GLYAT: variants seen among roughly 807,000 people sequenced by gnomAD.
GLYAT encodes the protein glycine-N-acyltransferase, also known as glycine N-acyltransferase.
A neutral mutation model predicts 22.8 loss-of-function variants in GLYAT; 25 were observed. The ratio of observed to expected loss-of-function variants is 1.09; its 90% CI spans 0.80 to 1.53. The LOEUF (loss-of-function observed/expected upper bound fraction) is 1.53, where lower values mean the gene tolerates loss of function less well. Among genes scored for constraint, GLYAT ranks in the 40% most tolerant of loss-of-function variants. The pLI is 0.00. For missense variants in GLYAT, 411 were observed against 353.9 expected, an observed-to-expected ratio of 1.16 and a Z score of -1.29; for synonymous variants, 140 against 122.7, an observed-to-expected ratio of 1.14 and a Z score of -0.93.
At position 58,712,765 on chromosome 11, in the gene GLYAT, A is replaced by G. The variant is rs777004801; in HGVS notation, c.311T>C (p.Ile104Thr). ...ATCCCATTCCTCTTACTTACTTTGAATCTGTAAATGCTGTTTCCAGTTGAT... is the reference window on the plus strand; with the variant it reads ...ATCCCATTCCTCTTACTTACTTTGAGTCTGTAAATGCTGTTTCCAGTTGAT... ...ELINWKQHLQIQSSQPSLNEA... is the reference protein window; with the variant it reads ...ELINWKQHLQTQSSQPSLNEA... The change falls in exon 4 of 6, where the codon ATT becomes ACT. Residue 104 changes from isoleucine (I) to threonine (T), a missense_variant. Ile to Thr is a moderately conservative substitution (Grantham distance 89, BLOSUM62 -1). Coordinates refer to ENST00000344743, the MANE Select transcript of GLYAT (RefSeq NM_201648.3). 3.7e-6 allele frequency: 6 copies of G among 1,613,216 alleles called. No individual in the cohort carries two copies. In the South Asian group the frequency reaches 5.5e-5, roughly 15 times the overall value.
intron 1 of GLYAT, chr11:58,728,526 C>G (rs1335872480): frequency 6.6e-6 from 1 of 152,002 alleles, no homozygotes; most frequent in Non-Finnish European, 1.5e-5. Flanking sequence ...GATAGGATAA[C>G]AGAACTTGAA....
chr11:58,720,526 G>A (rs1856736540), intron 2 of GLYAT, among the ~76,000 whole-genome samples: 1 of 151,954 alleles, frequency 6.6e-6, no homozygotes, highest in Admixed American at 6.6e-5. Context: ...CTGGACGTAG[G>A]CCTAACTAAC....
intron 2 of GLYAT, among the ~76,000 whole-genome samples, chr11:58,717,417 A>T (rs1856695682): frequency 6.6e-6 from 1 of 152,124 alleles, no homozygotes; most frequent in African/African-American, 2.4e-5. Flanking sequence ...ATACATTAAT[A>T]GGCAGGTATG....
chr11:58,711,036 A>G (rs1198154748), intron 4 of GLYAT, among the ~76,000 whole-genome samples: 1 of 152,228 alleles, frequency 6.6e-6, no homozygotes, highest in African/African-American at 2.4e-5. Flanking sequence ...AACTGCTAGA[A>G]GATAATAAAG....
chr11:58,717,525 T>A (rs1235594344), intron 2 of GLYAT, among the ~76,000 whole-genome samples: 1 of 151,956 alleles, frequency 6.6e-6, no homozygotes, highest in Non-Finnish European at 1.5e-5. Context: ...CACAGCTTAG[T>A]TTTCAGTTAT....
At chr11:58,727,391 A>T (rs1856821560) in intron 1 of GLYAT, among the ~76,000 whole-genome samples, 1 of 152,218 alleles carries the variant, frequency 6.6e-6, no homozygotes, top group African/African-American at 2.4e-5. Flanking sequence ...CAAGCCAGAC[A>T]GTTTGGTAGG....
chr11:58,711,859 G>A (rs1306847977), intron 4 of GLYAT, among the ~76,000 whole-genome samples: 2 of 152,182 alleles, frequency 1.3e-5, no homozygotes, highest in Non-Finnish European at 2.9e-5. Context: ...GCCCCATTGG[G>A]GCTTTCCCTT....
At chr11:58,731,785 C>T (rs1346535741) in intron 1 of GLYAT, 50 bp downstream of exon 1, 1 of 152,120 alleles carries the variant, frequency 6.6e-6, no homozygotes. Context: ...TACATTAGAT[C>T]TCTAGACTTG....
chr11:58,718,400 G>A (rs1856709319), intron 2 of GLYAT, among the ~76,000 whole-genome samples: 1 of 151,990 alleles, frequency 6.6e-6, no homozygotes, highest in Non-Finnish European at 1.5e-5. Flanking sequence ...TAAGTAAAAT[G>A]TGAAAAAGAT....
At chr11:58,716,172 A>G (rs1856677657) in intron 2 of GLYAT, among the ~76,000 whole-genome samples, 1 of 152,146 alleles carries the variant, frequency 6.6e-6, no homozygotes, top group African/African-American at 2.4e-5. Context: ...GGAGGTGAGA[A>G]TGAGTGAGAG....
At chr11:58,711,062 G>T (rs998151144) in intron 4 of GLYAT, among the ~76,000 whole-genome samples, 8 of 152,156 alleles carry the variant, frequency 5.3e-5, no homozygotes, top group Non-Finnish European at 7.4e-5. Context: ...AATGTACTTT[G>T]TGTTCTTAGC....
chr11:58,711,192 A>G (rs1278956147), intron 4 of GLYAT, among the ~76,000 whole-genome samples: 1 of 152,190 alleles, frequency 6.6e-6, no homozygotes, highest in Non-Finnish European at 1.5e-5. Context: ...GCATTCCACA[A>G]GTTACTTGCC....
chr11:58,724,084 A>G (rs919478198), intron 2 of GLYAT, among the ~76,000 whole-genome samples: 10 of 152,116 alleles, frequency 6.6e-5, no homozygotes, highest in Non-Finnish European at 1.3e-4. Flanking sequence ...TTATTATAAA[A>G]TGCTTCTTGG....
At chr11:58,719,434 TG>T (rs1196371539) in intron 2 of GLYAT, among the ~76,000 whole-genome samples, 11 of 152,002 alleles carry the variant, frequency 7.2e-5, no homozygotes, top group Non-Finnish European at 1.5e-5. Context: ...AAGAGAGCCT[TG>T]TTAATCTGCC....
Position 58,710,619 on chromosome 11 carries a change from T to A in GLYAT, c.459A>T (p.Leu153Phe), listed in dbSNP as rs1330200362. 2 of 1,607,170 alleles carry A rather than the reference T, an allele frequency of 1.2e-6. No individual in the cohort carries two copies. Among genetic ancestry groups the A allele is most frequent in the South Asian group, 2.2e-5 (2 of 90,976 alleles). ...CCTTGGGTTTGCCACCATTGGGAGA[T>A]AAAATCTTTGATTTCAGCAGGAAAG... ...LTPFLLKSKILSPNGGKPKAI... is the reference protein window; with the variant it reads ...LTPFLLKSKIFSPNGGKPKAI... The change falls in exon 5 of 6, where the codon TTA (leucine) becomes TTT (phenylalanine). Residue 153 changes from leucine to phenylalanine, a missense_variant. Leu to Phe is a conservative substitution (Grantham distance 22). Transcript: ENST00000344743.
chr11:58,709,785 C>T lies in GLYAT; in HGVS notation c.872G>A (p.Trp291Ter). The T allele has an allele frequency of 6.2e-7, 1 of 1,611,886 alleles. No homozygotes were observed. The highest frequency in any genetic ancestry group is 8.5e-7 in the Non-Finnish European group (1 of 1,178,808). ...HVPIPRSWNQ[W>*]NCVPL ...TTGGCATCACAGAGGTACACAGTTC[C>T]ACTGGTTCCAGCTTCTGGGAATGGG... Residue 291 changes from tryptophan (W) to a stop codon, truncating the protein, a stop_gained, in exon 6 of 6, where the codon TGG (tryptophan) becomes TAG (stop). Transcript: ENST00000344743. LOFTEE classifies it high-confidence loss of function.
intron 2 of GLYAT, among the ~76,000 whole-genome samples, chr11:58,719,531 CA>C (rs1310494838): frequency 6.6e-6 from 1 of 151,918 alleles, no homozygotes; most frequent in African/African-American, 2.4e-5. Flanking sequence ...TTTTATCTTT[CA>C]AAATCAGGCA....
In GLYAT at chr11:58,710,580, T is replaced by C; in HGVS notation, c.488+10A>G. On this transcript the variant is annotated intron_variant, in intron 5 of 5. Coordinates refer to ENST00000344743, the MANE Select transcript of GLYAT (RefSeq NM_201648.3). ...TGTGAGTGGTATAGACTGGATTTTA[T>C]CAAACTCACATGGCCTTGGGTTTGC... The C allele has an allele frequency of 6.3e-7, 1 of 1,586,798 alleles. No individual in the cohort carries two copies. Among genetic ancestry groups the C allele is most frequent in the Non-Finnish European group, 8.7e-7 (1 of 1,154,628 alleles).
At chr11:58,714,557 T>C (rs149721700) in intron 3 of GLYAT, among the ~76,000 whole-genome samples, 3 of 152,294 alleles carry the variant, frequency 2.0e-5, no homozygotes, top group Admixed American at 2.0e-4. Flanking sequence ...CACCTTGAAT[T>C]ATAGTTCTCA....
Sources: allele counts gnomAD v4.1 joint callset (sites outside exome capture counted in the v4.1 genomes callset), GRCh38; gene constraint gnomAD v4.1.1; transcripts MANE v1.5; gene names NCBI Gene and HGNC (gene_info 2026-07-23, HGNC 2026-07-21).